The following NDC80 variants were observed in gnomAD, a reference collection of about 807,000 sequenced individuals.
NDC80 encodes the protein kinetochore protein NDC80 homolog.
NDC80 carries 69 observed loss-of-function variants against 89.3 expected under a neutral mutation model. That is an observed-to-expected ratio of 0.77 (90% confidence interval 0.64 to 0.94). The LOEUF (loss-of-function observed/expected upper bound fraction) is 0.94. NDC80 is among the 40% of genes least tolerant of loss of function. The pLI is 0.00. For missense variants in NDC80, 593 were observed against 739.6 expected, an observed-to-expected ratio of 0.80 and a Z score of 2.30; for synonymous variants, 243 against 255.6, an observed-to-expected ratio of 0.95 and a Z score of 0.47.
chr18:2,596,648 C>T (rs1433605441), intron 11 of NDC80, among the ~76,000 whole-genome samples: 1 of 151,166 alleles, frequency 6.6e-6, no homozygotes, highest in East Asian at 1.9e-4. Context: ...ACTAGAAATA[C>T]CATTTGACCC....
intron 14 of NDC80, among the ~76,000 whole-genome samples, chr18:2,607,973 A>ATATATATATATC (rs1458815885): frequency 9.4e-6 from 1 of 106,724 alleles, no homozygotes; most frequent in African/African-American, 3.3e-5. Flanking sequence ...TAGTATATAT[A>ATATATATATATC]TATATATATA....
chr18:2,614,642 A>G (rs1223363350), intron 16 of NDC80, among the ~76,000 whole-genome samples: 1 of 90,314 alleles, frequency 1.1e-5, no homozygotes, highest in Non-Finnish European at 2.5e-5. Flanking sequence ...AGAAAGAAAG[A>G]AAGAAAGAAA....
Position 2,608,709 on chromosome 18 carries a change from G to C in NDC80, c.1567G>C (p.Glu523Gln), listed in dbSNP as rs1178549224. 1 of 1,612,038 alleles carries C rather than the reference G, an allele frequency of 6.2e-7. No homozygotes were observed. Among genetic ancestry groups the C allele is most frequent in the Non-Finnish European group, 8.5e-7 (1 of 1,178,476 alleles). The change falls in exon 15 of 17, where the codon GAA becomes CAA. Residue 523 changes from glutamate (E) to glutamine (Q), a missense_variant. By Grantham distance (29) the Glu-to-Gln change is conservative. Transcript: ENST00000261597. ...GACTTTATCCTGATAGGAAGCAGAG[G>C]AAGAGGATGAAAAATGTGCCAGTGA... Reference protein sequence around the residue: ...LYQQKIKEAEEEDEKCASELE... With the variant: ...LYQQKIKEAEQEDEKCASELE...
intron 14 of NDC80, among the ~76,000 whole-genome samples, chr18:2,607,975 A>ATATATATG (rs1417109166): frequency 9.1e-6 from 1 of 109,548 alleles, no homozygotes; most frequent in Non-Finnish European, 2.0e-5. Context: ...GTATATATAT[A>ATATATATG]TATATATATA....
At position 2,601,087 on chromosome 18, in the gene NDC80, C is replaced by CA. The variant is rs529188899; in HGVS notation, c.1375-301dup. Among the ~76,000 whole-genome samples, 722 of 151,484 alleles carry CA rather than the reference C, an allele frequency of 4.8e-3. 2 individuals are homozygous for CA. The highest frequency in any genetic ancestry group is 0.017 in the African/African-American group (683 of 41,350). ...ATACAACCTACATATGAATTGTTTT[C>CA]AAAAAAAATACTGCAGTAAACTAAG... On this transcript the variant is annotated intron_variant, in intron 12 of 16. Transcript: ENST00000261597.
chr18:2,614,651 A>G (rs1286914851), intron 16 of NDC80, among the ~76,000 whole-genome samples: 2 of 91,436 alleles, frequency 2.2e-5, no homozygotes, highest in Non-Finnish European at 4.9e-5. Context: ...GAAAGAAAGA[A>G]AGAAATAAAT....
At chr18:2,581,083 T>C (rs887369358) in intron 6 of NDC80, among the ~76,000 whole-genome samples, 2 of 152,092 alleles carry the variant, frequency 1.3e-5, no homozygotes, top group Admixed American at 6.6e-5. Flanking sequence ...CTTTTTATAT[T>C]GCTTTGCATG....
chr18:2,577,474 A>G (rs913849417), intron 3 of NDC80: 1 of 277,972 alleles, frequency 3.6e-6, no homozygotes, highest in Admixed American at 4.5e-5. Flanking sequence ...TCAGCCTCCC[A>G]AAGTGCTGGG....
At chr18:2,583,696 TC>T (rs2072589802) in intron 6 of NDC80, among the ~76,000 whole-genome samples, 1 of 99,066 alleles carries the variant, frequency 1.0e-5, no homozygotes. Context: ...AGACTCCGTC[TC>T]AAAAAAAAAA....
chr18:2,572,979 C>T lies in NDC80; in HGVS notation c.-7C>T, dbSNP rs1490262598. On this transcript the variant is annotated splice_region_variant and 5_prime_UTR_variant, in exon 2 of 17. Coordinates refer to ENST00000261597, the MANE Select transcript of NDC80 (RefSeq NM_006101.3). Reference sequence around the variant, plus strand: ...AAATACTGAATTCGTGAATGTAGGTCATAAGCATGAAGCGCAGTTCAGTTT... The same window carrying T: ...AAATACTGAATTCGTGAATGTAGGTTATAAGCATGAAGCGCAGTTCAGTTT... The T allele has an allele frequency of 1.9e-6, 3 of 1,611,946 alleles. No individual in the cohort carries two copies. The highest frequency in any genetic ancestry group is 1.7e-5 in the Admixed American group (1 of 59,390).
Position 2,614,613 on chromosome 18 carries a change from GA to G in NDC80, c.1792-1821del, listed in dbSNP as rs1336939086. Reference sequence around the variant, plus strand: ...AGAAAGAAAGAAAGAAAGAAAGAAAGAAAGAAAGAAAGAAAGAAAGAAAGAA... The same window carrying G: ...AGAAAGAAAGAAAGAAAGAAAGAAAGAAGAAAGAAAGAAAGAAAGAAAGAA... On this transcript the variant is annotated intron_variant, in intron 16 of 16. Coordinates refer to ENST00000261597, the MANE Select transcript of NDC80 (RefSeq NM_006101.3). Among the ~76,000 whole-genome samples, 4 of 10,572 alleles carry G rather than the reference GA, an allele frequency of 3.8e-4. 1 individual carries two copies. The highest frequency in any genetic ancestry group is 6.8e-3 in the South Asian group (1 of 146). The allele number at this position is 10,572 out of a possible 152,430, so 6.9% of individuals were successfully genotyped here. A position where few individuals can be genotyped will look rare whatever the true frequency, so the allele number is the denominator to read the frequency against.
chr18:2,608,535 A>G (rs180807175), intron 14 of NDC80, among the ~76,000 whole-genome samples, 165 bp from the exon 15 acceptor site: 10 of 152,322 alleles, frequency 6.6e-5, no homozygotes, highest in African/African-American at 2.4e-4. Context: ...AGGATTCCCA[A>G]AGGAGCACTT....
At chr18:2,572,392 T>G (rs1228709715) in intron 1 of NDC80, among the ~76,000 whole-genome samples, 1 of 152,172 alleles carries the variant, frequency 6.6e-6, no homozygotes, top group Non-Finnish European at 1.5e-5. Context: ...GGAGGCAGCC[T>G]ATAGACCATT....
At position 2,579,021 on chromosome 18, in the gene NDC80, T is replaced by G; in HGVS notation, c.571T>G (p.Cys191Gly). The change falls in exon 6 of 17, where the codon TGC becomes GGC. Residue 191 changes from cysteine to glycine, a missense_variant. By Grantham distance (159) the Cys-to-Gly change is radical. Coordinates refer to ENST00000261597, the MANE Select transcript of NDC80 (RefSeq NM_006101.3). Reference protein sequence around the residue: ...IVAALVWLIDCIKIHTAMKES... With the variant: ...IVAALVWLIDGIKIHTAMKES... Reference sequence around the variant, plus strand: ...GGCAGCCTTAGTTTGGCTAATAGACTGCATCAAGGTATTTGATTTGTTCTT... The same window carrying G: ...GGCAGCCTTAGTTTGGCTAATAGACGGCATCAAGGTATTTGATTTGTTCTT... The G allele has an allele frequency of 6.5e-7, 1 of 1,532,844 alleles. No homozygotes were observed. Among genetic ancestry groups the G allele is most frequent in the Non-Finnish European group, 8.8e-7 (1 of 1,139,140 alleles). 95.0% of individuals were successfully genotyped at this position (1,532,844 alleles called of 1,614,324 possible). A position where few individuals can be genotyped will look rare whatever the true frequency, so the allele number is the denominator to read the frequency against.
At chr18:2,578,782 A>G in intron 5 of NDC80, 145 bp from the exon 6 acceptor site, 2 of 424,920 alleles carry the variant, frequency 4.7e-6, no homozygotes, top group African/African-American at 2.0e-5. Context: ...ATGACTAAGG[A>G]TAGAATCCTA....
chr18:2,586,278 G>A (rs12970766), intron 7 of NDC80, among the ~76,000 whole-genome samples: 36,695 of 151,884 alleles, frequency 0.24, 4,709 homozygotes, highest in Middle Eastern at 0.36. Flanking sequence ...ATAAACATGC[G>A]CCTTTACTAC....
At chr18:2,598,232 G>A (rs1042227053) in intron 11 of NDC80, among the ~76,000 whole-genome samples, 3 of 152,162 alleles carry the variant, frequency 2.0e-5, no homozygotes, top group African/African-American at 7.2e-5. Context: ...AATGAGAAAC[G>A]AAGTATGTGT....
Position 2,577,821 on chromosome 18 carries a change from A to T in NDC80, c.255A>T (p.Pro85=). The change falls in exon 4 of 17, where the codon CCA becomes CCT. Residue 85 remains proline, a synonymous_variant. Transcript: ENST00000261597. ...CTGAGAAAATCAAGGACCCGAGACC[A>T]CTTAATGACAAAGCATTCATTCAGC... ...SSSEKIKDPR[P]LNDKAFIQQC... 1 of 1,614,166 alleles carries T rather than the reference A, an allele frequency of 6.2e-7. No individual in the cohort carries two copies. Among genetic ancestry groups the T allele is most frequent in the South Asian group, 1.1e-5 (1 of 91,082 alleles).
At chr18:2,573,671 A>T (rs571818713) in intron 2 of NDC80, among the ~76,000 whole-genome samples, 1 of 152,334 alleles carries the variant, frequency 6.6e-6, no homozygotes, top group Admixed American at 6.5e-5. Context: ...TCTAGTACCG[A>T]GGTACAAGTT....
Sources: allele counts gnomAD v4.1 joint callset (sites outside exome capture counted in the v4.1 genomes callset), GRCh38; gene constraint gnomAD v4.1.1; transcripts MANE v1.5; gene names NCBI Gene and HGNC (gene_info 2026-07-23, HGNC 2026-07-21).